The following CCDC178 variants were observed in gnomAD, a reference collection of about 807,000 sequenced individuals.
The protein encoded by CCDC178 is coiled-coil domain containing 178, also known as coiled-coil domain-containing protein 178.
Under a neutral mutation model 117.4 loss-of-function variants are expected in CCDC178, and 126 were observed. That is an observed-to-expected ratio of 1.07 (90% CI 0.93 to 1.24). The LOEUF is 1.24. Ranked by LOEUF, CCDC178 falls within the 50% of genes most tolerant of loss-of-function variation. The pLI is 0.00. For synonymous variants in CCDC178, 283 were observed against 313.4 expected (o/e 0.90, Z 1.02); for missense variants, 1,030 against 986.9 (o/e 1.04, Z -0.59).
intron 3 of CCDC178, 134 bp downstream of exon 3, chr18:33,411,897 C>T (rs1057401803): frequency 4.2e-6 from 2 of 475,548 alleles, no homozygotes; most frequent in Non-Finnish European, 7.7e-6. Flanking sequence ...TTTACTGGTC[C>T]CAGTAAGTTT....
intron 20 of CCDC178, among the ~76,000 whole-genome samples, chr18:33,192,658 T>C (rs1431087818): frequency 6.6e-6 from 1 of 152,042 alleles, no homozygotes; most frequent in East Asian, 1.9e-4. Flanking sequence ...CCTAGCACTT[T>C]GCGAGGCCGA....
chr18:33,081,940 C>A (rs1434504683), intron 21 of CCDC178, among the ~76,000 whole-genome samples: 1 of 152,146 alleles, frequency 6.6e-6, no homozygotes, highest in Non-Finnish European at 1.5e-5. Flanking sequence ...TGCTCTTCAA[C>A]TGACAAAAGG....
intron 22 of CCDC178, among the ~76,000 whole-genome samples, chr18:32,963,366 C>A (rs1769315652): frequency 6.6e-6 from 1 of 151,944 alleles, no homozygotes; most frequent in Non-Finnish European, 1.5e-5. Context: ...CCCACTCTTA[C>A]AAAGGCATTT....
intron 21 of CCDC178, among the ~76,000 whole-genome samples, chr18:33,068,887 T>C (rs1002512720): frequency 5.3e-5 from 8 of 152,178 alleles, no homozygotes; most frequent in African/African-American, 1.9e-4. Flanking sequence ...ATTGTTATGC[T>C]TTGCAGATGA....
At chr18:33,059,294 C>T (rs1357966648) in intron 21 of CCDC178, among the ~76,000 whole-genome samples, 2 of 152,084 alleles carry the variant, frequency 1.3e-5, no homozygotes, top group East Asian at 1.9e-4. Flanking sequence ...CAAGACTCCC[C>T]GATTAGTAGC....
chr18:33,082,208 C>A (rs1008933582), intron 21 of CCDC178, among the ~76,000 whole-genome samples: 3 of 152,138 alleles, frequency 2.0e-5, no homozygotes, highest in Non-Finnish European at 4.4e-5. Flanking sequence ...TGGTGGCTCA[C>A]TTCTGTAATC....
intron 14 of CCDC178, among the ~76,000 whole-genome samples, chr18:33,266,450 A>C (rs2144765541): frequency 6.6e-6 from 1 of 152,052 alleles, no homozygotes; most frequent in South Asian, 2.1e-4. Context: ...TTAAGTTTAA[A>C]GTATTTTTTA....
At chr18:33,389,659 T>G (rs374584307) in intron 4 of CCDC178, 30 bp from the exon 5 acceptor site, 6 of 1,178,076 alleles carry the variant, frequency 5.1e-6, no homozygotes, top group East Asian at 2.7e-5. Context: ...CATATTTTAG[T>G]GAGTAGTTAA....
At chr18:33,157,033 GTGGGTTCAATAAA>G (rs935298006) in intron 20 of CCDC178, among the ~76,000 whole-genome samples, 1 of 152,148 alleles carries the variant, frequency 6.6e-6, no homozygotes, top group African/African-American at 2.4e-5. Context: ...AATTTTTTAA[GTGGGTTCAATAAA>G]TCAATATGAT....
intron 20 of CCDC178, among the ~76,000 whole-genome samples, chr18:33,118,596 T>C (rs1371658344): frequency 6.6e-6 from 1 of 152,020 alleles, no homozygotes; most frequent in African/African-American, 2.4e-5. Flanking sequence ...AGAATCAATA[T>C]TGTGAAAATG....
intron 20 of CCDC178, among the ~76,000 whole-genome samples, chr18:33,123,813 T>C (rs957858160): frequency 5.9e-5 from 9 of 152,222 alleles, no homozygotes; most frequent in South Asian, 2.1e-4. Context: ...CATAAAAAGA[T>C]TGAAGGAAAT....
chr18:33,035,318 T>C (rs976012053), intron 21 of CCDC178, among the ~76,000 whole-genome samples: 2 of 151,704 alleles, frequency 1.3e-5, no homozygotes, highest in African/African-American at 4.8e-5. Context: ...AGTGGAATGG[T>C]TTGGCCAAAC....
intron 21 of CCDC178, among the ~76,000 whole-genome samples, chr18:33,012,761 A>G (rs1383823139): frequency 6.6e-6 from 1 of 152,108 alleles, no homozygotes; most frequent in Non-Finnish European, 1.5e-5. Flanking sequence ...TTTTTTCGCC[A>G]TATGATACAA....
intron 21 of CCDC178, among the ~76,000 whole-genome samples, chr18:32,995,714 T>C (rs2055489179): frequency 6.6e-6 from 1 of 152,070 alleles, no homozygotes; most frequent in African/African-American, 2.4e-5. Context: ...CTTGCGCCAT[T>C]CTACAAAAGC....
intron 3 of CCDC178, among the ~76,000 whole-genome samples, chr18:33,409,073 A>C (rs930431683): frequency 3.9e-5 from 6 of 152,180 alleles, no homozygotes; most frequent in African/African-American, 1.4e-4. Flanking sequence ...AACACAGAAT[A>C]ATCATCCAGT....
At position 33,412,039 on chromosome 18, in the gene CCDC178, G is replaced by T; in HGVS notation, c.50C>A (p.Thr17Asn). 2 of 1,473,366 alleles carry T rather than the reference G, an allele frequency of 1.4e-6. No individual in the cohort carries two copies. The highest frequency in any genetic ancestry group is 2.4e-5 in the East Asian group (1 of 42,400). The allele number at this position is 1,473,366 out of a possible 1,614,324, so 91.3% of individuals were successfully genotyped here. A position where few individuals can be genotyped will look rare whatever the true frequency, so the allele number is the denominator to read the frequency against. The change falls in exon 3 of 23, where the codon ACC (threonine) becomes AAC (asparagine). Residue 17 changes from threonine (T) to asparagine (N), a missense_variant. Coordinates refer to ENST00000383096, the MANE Select transcript of CCDC178 (RefSeq NM_001105528.4). Reference sequence around the variant, plus strand: ...ATTTATGATAAACTTACCTATATTGGTTTGATCATCTCTAGTGGAAGAAGA... The same window carrying T: ...ATTTATGATAAACTTACCTATATTGTTTTGATCATCTCTAGTGGAAGAAGA... Reference protein sequence around the residue: ...VSSSSTRDDQTNIGLTCQEVK... With the variant: ...VSSSSTRDDQNNIGLTCQEVK...
chr18:33,389,446 T>C, intron 5 of CCDC178, 94 bp downstream of exon 5: 2 of 492,258 alleles, frequency 4.1e-6, no homozygotes, highest in South Asian at 1.6e-4. Flanking sequence ...GTAGGATTTA[T>C]TTCAAAATAG....
At chr18:33,385,871 A>C (rs1461558758) in intron 5 of CCDC178, among the ~76,000 whole-genome samples, 1 of 152,192 alleles carries the variant, frequency 6.6e-6, no homozygotes, top group Non-Finnish European at 1.5e-5. Flanking sequence ...CAGAACTGAA[A>C]GAGATAAACA....
intron 20 of CCDC178, among the ~76,000 whole-genome samples, chr18:33,193,264 CAAAAAAAAAAAAAAAA>C (rs59092607): frequency 1.3e-5 from 1 of 77,152 alleles, no homozygotes; most frequent in South Asian, 6.5e-4. Context: ...CTCCGTCTCA[CAAAAAAAAAAAAAAAA>C]AAAAAAAAAA....
Sources: gnomAD v4.1 joint callset for allele counts (sites outside exome capture counted in the v4.1 genomes callset) on GRCh38, gnomAD v4.1.1 for gene constraint, MANE v1.5 for transcripts, NCBI Gene and HGNC (gene_info 2026-07-23, HGNC 2026-07-21) for gene names.